The following NALF1 variants were observed in gnomAD, a reference collection of about 807,000 sequenced individuals.
The protein encoded by NALF1 is family with sequence similarity 155 member A.
In NALF1, 3 loss-of-function variants were observed where a neutral mutation model predicts 48.4. The ratio of observed to expected loss-of-function variants is 0.06; its 90% CI spans 0.03 to 0.16. NALF1 has a LOEUF of 0.16. Ranked by LOEUF, NALF1 falls within the 10% of genes least tolerant of loss-of-function variation. The probability of loss-of-function intolerance (pLI) is 1.00; values close to 1 mark genes in which losing one functional copy is unlikely to be tolerated. For synonymous variants in NALF1, 262 were observed against 245.7 expected (o/e 1.07, Z -0.62); for missense variants, 526 against 571.5 (o/e 0.92, Z 0.81).
chr13:107,197,513 C>T (rs968111068), intron 2 of NALF1, among the ~76,000 whole-genome samples: 1 of 152,080 alleles, frequency 6.6e-6, no homozygotes, highest in Admixed American at 6.6e-5. Context: ...GTTGAGCTAC[C>T]GTGTTAGACA....
chr13:107,179,638 T>C (rs892141172), intron 2 of NALF1, among the ~76,000 whole-genome samples: 2 of 149,792 alleles, frequency 1.3e-5, no homozygotes, highest in African/African-American at 5.0e-5. Flanking sequence ...ATACCTATTA[T>C]GTACCCACAA....
At chr13:107,843,449 T>C (rs1880092996) in intron 1 of NALF1, among the ~76,000 whole-genome samples, 1 of 152,126 alleles carries the variant, frequency 6.6e-6, no homozygotes, top group South Asian at 2.1e-4. Flanking sequence ...TCCTCGAATC[T>C]CCCTTTGTCA....
intron 1 of NALF1, among the ~76,000 whole-genome samples, chr13:107,706,848 T>A (rs1875385447): frequency 6.6e-6 from 1 of 151,750 alleles, no homozygotes; most frequent in Admixed American, 6.6e-5. Context: ...CATAGTTGAA[T>A]ACAACTGCTT....
At chr13:107,175,244 C>G (rs184284861) in intron 2 of NALF1, among the ~76,000 whole-genome samples, 2 of 148,772 alleles carry the variant, frequency 1.3e-5, no homozygotes, top group East Asian at 3.9e-4. Flanking sequence ...AGAAATATGC[C>G]CCCAGTCTCT....
At chr13:107,655,494 T>G (rs997794577) in intron 1 of NALF1, among the ~76,000 whole-genome samples, 1 of 152,036 alleles carries the variant, frequency 6.6e-6, no homozygotes, top group Non-Finnish European at 1.5e-5. Flanking sequence ...AAAACACTGC[T>G]GAAAGAAATC....
intron 1 of NALF1, among the ~76,000 whole-genome samples, chr13:107,403,187 GCT>G (rs1491533067): frequency 3.9e-5 from 3 of 77,584 alleles, no homozygotes; most frequent in African/African-American, 1.1e-4. Flanking sequence ...TCTTGTTCGG[GCT>G]TTTTTTTTTT....
At chr13:107,753,461 T>G (rs544014771) in intron 1 of NALF1, among the ~76,000 whole-genome samples, 1 of 151,982 alleles carries the variant, frequency 6.6e-6, no homozygotes, top group South Asian at 2.1e-4. Context: ...CCAATGTAAA[T>G]AGTGTGTTTG....
At chr13:107,367,670 G>A (rs1436001419) in intron 1 of NALF1, among the ~76,000 whole-genome samples, 7 of 152,230 alleles carry the variant, frequency 4.6e-5, no homozygotes, top group East Asian at 1.9e-4. Flanking sequence ...AGGGCTACAC[G>A]GGCAGAAGCG....
intron 1 of NALF1, among the ~76,000 whole-genome samples, chr13:107,678,203 T>G (rs1047857255): frequency 6.6e-5 from 10 of 152,144 alleles, no homozygotes; most frequent in African/African-American, 2.4e-4. Flanking sequence ...AAGCTTTCTT[T>G]TTCCTTCCAA....
chr13:107,426,366 C>T (rs1052913157), intron 1 of NALF1, among the ~76,000 whole-genome samples: 5 of 152,074 alleles, frequency 3.3e-5, no homozygotes, highest in African/African-American at 1.2e-4. Flanking sequence ...AGAGAACAGG[C>T]GTTGTTGAAC....
chr13:107,356,437 T>C (rs1882964889), intron 1 of NALF1, among the ~76,000 whole-genome samples: 1 of 152,212 alleles, frequency 6.6e-6, no homozygotes, highest in Non-Finnish European at 1.5e-5. Context: ...TTAGATGCTT[T>C]TCGATTACTA....
At chr13:107,737,714 G>C (rs1343895164) in intron 1 of NALF1, among the ~76,000 whole-genome samples, 1 of 152,104 alleles carries the variant, frequency 6.6e-6, no homozygotes, top group East Asian at 1.9e-4. Flanking sequence ...CTAATTATTT[G>C]TACATTTACT....
At chr13:107,331,577 A>G (rs565559756) in intron 1 of NALF1, among the ~76,000 whole-genome samples, 1 of 152,308 alleles carries the variant, frequency 6.6e-6, no homozygotes, top group South Asian at 2.1e-4. Flanking sequence ...CCAATCTAAT[A>G]CCTTGTAGAC....
At chr13:107,607,875 G>C (rs539154654) in intron 1 of NALF1, among the ~76,000 whole-genome samples, 1 of 152,192 alleles carries the variant, frequency 6.6e-6, no homozygotes, top group Non-Finnish European at 1.5e-5. Context: ...ACCTGTAACA[G>C]TGAAAACATA....
At chr13:107,677,160 C>A (rs1291359213) in intron 1 of NALF1, among the ~76,000 whole-genome samples, 1 of 152,248 alleles carries the variant, frequency 6.6e-6, no homozygotes, top group Non-Finnish European at 1.5e-5. Flanking sequence ...GATTCTCATG[C>A]TTCAGCCTCC....
intron 1 of NALF1, among the ~76,000 whole-genome samples, chr13:107,474,809 T>C (rs1230952279): frequency 1.3e-5 from 2 of 151,672 alleles, no homozygotes; most frequent in Non-Finnish European, 2.9e-5. Context: ...ATGAAGTGTA[T>C]AATGTCTGTG....
chr13:107,184,760 T>C lies in NALF1; in HGVS notation c.1088-13974A>G, dbSNP rs116381000. 3.3e-5 allele frequency among the ~76,000 whole-genome samples: 5 copies of C among 152,206 alleles called. No individual in the cohort carries two copies. The South Asian group carries it at 1.0e-3, about 32-fold the overall frequency. ...AGTAATTTGTCTCAAATATATGCTA[T>C]TATTTTGTTTCTGAATTCCTGTTTT... On this transcript the variant is annotated intron_variant, in intron 2 of 2. Coordinates refer to ENST00000375915, the MANE Select transcript of NALF1 (RefSeq NM_001080396.3).
chr13:107,199,687 G>A (rs1879469145), intron 2 of NALF1, among the ~76,000 whole-genome samples: 1 of 152,268 alleles, frequency 6.6e-6, no homozygotes, highest in Middle Eastern at 3.4e-3. Context: ...GGTGTGTGGC[G>A]GCGGTGTGAA....
At chr13:107,370,901 G>C (rs1193949481) in intron 1 of NALF1, among the ~76,000 whole-genome samples, 1 of 152,140 alleles carries the variant, frequency 6.6e-6, no homozygotes, top group African/African-American at 2.4e-5. Flanking sequence ...AAAATGATCA[G>C]ATCTCCTGAG....
Sources: allele counts gnomAD v4.1 joint callset (sites outside exome capture counted in the v4.1 genomes callset), GRCh38; gene constraint gnomAD v4.1.1; transcripts MANE v1.5; gene names NCBI Gene and HGNC (gene_info 2026-07-23, HGNC 2026-07-21).